Variants in DDX4 observed in about 807,000 individuals in gnomAD.
The protein encoded by DDX4 is probable ATP-dependent RNA helicase DDX4.
In DDX4, 25 loss-of-function variants were observed where a neutral mutation model predicts 100.0. The observed-to-expected ratio is 0.25, with a 90% CI of 0.18 to 0.35. DDX4 has a LOEUF of 0.35. Among genes scored for constraint, DDX4 ranks in the 10% least tolerant of loss-of-function variants. The pLI is 1.00. For missense variants in DDX4, 635 were observed against 882.4 expected, an observed-to-expected ratio of 0.72 and a Z score of 3.55; for synonymous variants, 259 against 275.7, an observed-to-expected ratio of 0.94 and a Z score of 0.60.
At chr5:55,805,325 T>G (rs1256915646) in intron 18 of DDX4, among the ~76,000 whole-genome samples, 1 of 151,948 alleles carries the variant, frequency 6.6e-6, no homozygotes, top group Non-Finnish European at 1.5e-5. Context: ...TTCCTTCTCC[T>G]GCCTAATTGC....
chr5:55,797,436 A>C (rs941471671), intron 17 of DDX4, among the ~76,000 whole-genome samples: 12 of 152,202 alleles, frequency 7.9e-5, no homozygotes, highest in African/African-American at 2.9e-4. Flanking sequence ...TAATCATCTG[A>C]AGAATTTCAG....
chr5:55,749,984 CA>C (rs56883424), intron 3 of DDX4, among the ~76,000 whole-genome samples: 26,836 of 123,104 alleles, frequency 0.22, 2,995 homozygotes, highest in Admixed American at 0.34. Context: ...TTATTCAGAG[CA>C]AAAAAAAAAA....
intron 2 of DDX4, 110 bp downstream of exon 2, chr5:55,739,142 G>A: frequency 1.4e-6 from 1 of 699,470 alleles, no homozygotes; most frequent in East Asian, 2.6e-5. Context: ...TTATCTCCAT[G>A]TGATTGTTAT....
intron 7 of DDX4, chr5:55,777,654 C>G (rs1580559108): frequency 6.6e-6 from 1 of 152,236 alleles, no homozygotes; most frequent in South Asian, 2.1e-4. Flanking sequence ...GGCTTAATAC[C>G]TAGGTGATGG....
chr5:55,738,507 G>C (rs1758815484), intron 1 of DDX4, among the ~76,000 whole-genome samples: 1 of 144,710 alleles, frequency 6.9e-6, no homozygotes, highest in East Asian at 2.1e-4. Flanking sequence ...CCCTGTCCCC[G>C]CCCCCACGCA....
intron 16 of DDX4, among the ~76,000 whole-genome samples, chr5:55,791,666 T>A (rs749327021): frequency 9.2e-5 from 14 of 152,204 alleles, no homozygotes; most frequent in Non-Finnish European, 1.6e-4. Context: ...TATCAAATAC[T>A]ATAATCTAGA....
At chr5:55,807,724 A>T (rs1265768753) in intron 18 of DDX4, among the ~76,000 whole-genome samples, 1 of 152,168 alleles carries the variant, frequency 6.6e-6, no homozygotes, top group Non-Finnish European at 1.5e-5. Context: ...CTTTGTGGGT[A>T]ACCCGACCTT....
At chr5:55,789,910 C>A (rs1742459020) in intron 15 of DDX4, among the ~76,000 whole-genome samples, 1 of 152,038 alleles carries the variant, frequency 6.6e-6, no homozygotes, top group African/African-American at 2.4e-5. Flanking sequence ...CTTTTCCATG[C>A]TTGAAATCAC....
At chr5:55,778,273 C>A (rs931070233) in intron 7 of DDX4, among the ~76,000 whole-genome samples, 3 of 151,936 alleles carry the variant, frequency 2.0e-5, no homozygotes, top group Admixed American at 2.0e-4. Context: ...CACATGAAAA[C>A]TTTGAGGATA....
intron 6 of DDX4, 36 bp from the exon 7 acceptor site, chr5:55,767,845 A>C: frequency 6.6e-7 from 1 of 1,516,098 alleles, no homozygotes; most frequent in Non-Finnish European, 9.1e-7. Flanking sequence ...ATTTAAGTTA[A>C]TTAAATGCTA....
chr5:55,777,246 T>A (rs1741621037), intron 7 of DDX4, among the ~76,000 whole-genome samples: 2 of 152,082 alleles, frequency 1.3e-5, no homozygotes, highest in Admixed American at 6.5e-5. Flanking sequence ...ACACAAAGAT[T>A]GTAGAAATAA....
chr5:55,763,442 C>G (rs1233330309), intron 5 of DDX4, among the ~76,000 whole-genome samples, 190 bp downstream of exon 5: 1 of 152,056 alleles, frequency 6.6e-6, no homozygotes, highest in Non-Finnish European at 1.5e-5. Context: ...TGAAAGATTA[C>G]TGATGAATGC....
At chr5:55,763,025 C>T (rs1180398039) in intron 4 of DDX4, 150 bp from the exon 5 acceptor site, 1 of 524,852 alleles carries the variant, frequency 1.9e-6, no homozygotes, top group Non-Finnish European at 3.4e-6. Flanking sequence ...TTTTAAGTTG[C>T]AGGTATATTA....
At chr5:55,815,252 C>T in intron 20 of DDX4, 61 bp from the exon 21 acceptor site, 5 of 1,593,822 alleles carry the variant, frequency 3.1e-6, no homozygotes, top group Non-Finnish European at 4.3e-6. Context: ...GTGTATATAA[C>T]AAGTAAACTT....
intron 8 of DDX4, 95 bp downstream of exon 8, chr5:55,780,160 A>G (rs572958477): frequency 2.2e-5 from 34 of 1,525,534 alleles, no homozygotes; most frequent in Non-Finnish European, 2.6e-5. Flanking sequence ...TATGAGGATT[A>G]TATGAGAATA....
At position 55,816,815 on chromosome 5, in the gene DDX4, A is replaced by G. The variant is rs756854229; in HGVS notation, c.*275A>G. 5.6e-6 allele frequency: 2 copies of G among 358,732 alleles called. No homozygotes were observed. The highest frequency in any genetic ancestry group is 9.6e-6 in the Non-Finnish European group (2 of 208,678). 22.2% of individuals were successfully genotyped at this position (358,732 alleles called of 1,614,324 possible). A position where few individuals can be genotyped will look rare whatever the true frequency, so the allele number is the denominator to read the frequency against. On this transcript the variant is annotated 3_prime_UTR_variant, in exon 22 of 22. Transcript: ENST00000505374. ...GGTATATTCTTTAGGGGGCTTAGAC[A>G]TGTTTAATGTTTAAATGCCAAGTCT...
intron 17 of DDX4, among the ~76,000 whole-genome samples, chr5:55,797,832 C>T (rs1743057862): frequency 6.6e-6 from 1 of 152,194 alleles, no homozygotes; most frequent in South Asian, 2.1e-4. Context: ...TATCCTGATT[C>T]CGCTATGTCC....
intron 16 of DDX4, 104 bp from the exon 17 acceptor site, chr5:55,792,535 ATT>A (rs11445701): frequency 2.1e-3 from 955 of 462,146 alleles, no homozygotes; most frequent in East Asian, 2.8e-3. Context: ...AATTTTTTGT[ATT>A]TTTTTTTTTT....
chr5:55,787,125 T>A (rs756070495), intron 14 of DDX4, among the ~76,000 whole-genome samples: 3 of 152,192 alleles, frequency 2.0e-5, no homozygotes, highest in Non-Finnish European at 4.4e-5. Context: ...AACCAGTTGG[T>A]TTTAGGACTA....
Sources: allele counts gnomAD v4.1 joint callset (sites outside exome capture counted in the v4.1 genomes callset), GRCh38; gene constraint gnomAD v4.1.1; transcripts MANE v1.5; gene names NCBI Gene and HGNC (gene_info 2026-07-23, HGNC 2026-07-21).